ZNF431: variants seen among roughly 807,000 people sequenced by gnomAD.
The protein encoded by ZNF431 is zinc finger protein 431.
In ZNF431, 34 loss-of-function variants were observed where a neutral mutation model predicts 57.0. The ratio of observed to expected loss-of-function variants is 0.60; its 90% CI spans 0.45 to 0.79. The LOEUF is 0.79. ZNF431 is among the 30% of genes least tolerant of loss of function. The pLI is 0.00. For synonymous variants in ZNF431, 207 were observed against 220.3 expected (o/e 0.94, Z 0.54); for missense variants, 607 against 667.1 (o/e 0.91, Z 0.99).
At position 21,189,555 on chromosome 19, in the gene ZNF431, A is replaced by G. The variant is rs1021036386; in HGVS notation, c.*5521A>G. 3 of 204,816 alleles carry G rather than the reference A, an allele frequency of 1.5e-5. No individual in the cohort carries two copies. The Admixed American group carries it at 1.8e-4, about 12-fold the overall frequency. 12.7% of individuals were successfully genotyped at this position (204,816 alleles called of 1,614,324 possible). On this transcript the variant is annotated 3_prime_UTR_variant, in exon 5 of 5. Coordinates refer to ENST00000311048, the MANE Select transcript of ZNF431 (RefSeq NM_133473.4). ...ATGACACTGTCATCATTTTTCAAAA[A>G]TCCAAATACATTATTATGAACTATA...
chr19:21,183,198 C>T lies in ZNF431; in HGVS notation c.895C>T (p.Arg299Trp), dbSNP rs778391589. ...RCEECGKAFN[R>W]SSHLTTHKII... ...TGAAGAATGTGGCAAAGCCTTCAAC[C>T]GGTCCTCACACCTTACTACACATAA... is the stretch of plus-strand genomic sequence containing the variant. Residue 299 changes from arginine (R) to tryptophan (W), a missense_variant, in exon 5 of 5, where the codon CGG becomes TGG. Physicochemically the swap from Arg to Trp is moderately radical, Grantham distance 101. Coordinates refer to ENST00000311048, the MANE Select transcript of ZNF431 (RefSeq NM_133473.4). The T allele has an allele frequency of 1.2e-5, 20 of 1,612,514 alleles. No homozygotes were observed. In the Admixed American group the frequency reaches 1.3e-4, roughly 11 times the overall value.
Position 21,183,993 on chromosome 19 carries a change from A to T in ZNF431, c.1690A>T (p.Arg564Ter). The change falls in exon 5 of 5, where the codon AGA (arginine) becomes TGA (stop). Residue 564 changes from arginine to a stop codon, truncating the protein, a stop_gained. Transcript: ENST00000311048. LOFTEE classifies it high-confidence loss of function. ...NLIKQNNSYWRETLQMSRMWE... is the reference protein window; with the variant it reads ...NLIKQNNSYW ...TATTAAACAAAATAATTCATACTGG[A>T]GAGAAACTCTACAAATGTCAAGAAT... is the stretch of plus-strand genomic sequence containing the variant. The T allele has an allele frequency of 1.3e-6, 2 of 1,582,926 alleles. No homozygotes were observed. The highest frequency in any genetic ancestry group is 1.7e-6 in the Non-Finnish European group (2 of 1,168,474).
intron 2 of ZNF431, among the ~76,000 whole-genome samples, chr19:21,165,851 A>T (rs2144991774): frequency 6.6e-6 from 1 of 152,322 alleles, no homozygotes; most frequent in East Asian, 1.9e-4. Context: ...TGGGATAAAA[A>T]CATTGGCATT....
rs1971466033 is a variant in ZNF431, at chr19:21,189,729, TTAAG to T, written c.*5697_*5700del. The T allele has an allele frequency of 2.6e-6, 1 of 392,142 alleles. No individual in the cohort carries two copies. Among genetic ancestry groups the T allele is most frequent in the Non-Finnish European group, 4.5e-6 (1 of 222,554 alleles). The allele number at this position is 392,142 out of a possible 1,614,324, so 24.3% of individuals were successfully genotyped here. A position where few individuals can be genotyped will look rare whatever the true frequency, so the allele number is the denominator to read the frequency against. On this transcript the variant is annotated 3_prime_UTR_variant, in exon 5 of 5. Coordinates refer to ENST00000311048, the MANE Select transcript of ZNF431 (RefSeq NM_133473.4). ...CATTTTACTCTCTACATCAATGGGA[TTAAG>T]TTTTTTGGAATCCATGTGTAAGTGA...
chr19:21,150,654 T>C (rs1343491954), intron 2 of ZNF431, among the ~76,000 whole-genome samples: 1 of 152,198 alleles, frequency 6.6e-6, no homozygotes, highest in African/African-American at 2.4e-5. Context: ...GGAAGTCTTA[T>C]TTCTCAGTAG....
chr19:21,176,266 G>A (rs555644071), intron 4 of ZNF431, among the ~76,000 whole-genome samples: 2 of 135,916 alleles, frequency 1.5e-5, no homozygotes, highest in South Asian at 4.7e-4. Flanking sequence ...TTGAGACTGA[G>A]TTTTGCTCTT....
intron 2 of ZNF431, among the ~76,000 whole-genome samples, chr19:21,164,975 T>C (rs1970677703): frequency 6.6e-6 from 1 of 151,100 alleles, no homozygotes; most frequent in African/African-American, 2.4e-5. Flanking sequence ...ACAGGCATGG[T>C]AGCACATGCC....
chr19:21,188,054 T>C lies in ZNF431; in HGVS notation c.*4020T>C, dbSNP rs1296208267. 6.6e-6 allele frequency: 1 copy of C among 151,698 alleles called. No individual in the cohort carries two copies. The highest frequency in any genetic ancestry group is 1.5e-5 in the Non-Finnish European group (1 of 67,964). 9.4% of individuals were successfully genotyped at this position (151,698 alleles called of 1,614,324 possible). The stretch of plus-strand genomic sequence containing the variant: ...AGGGTGGATCACTTGAGGTCAGGAG[T>C]TTGAGACCAGCCTGACCAACATGGT... On this transcript the variant is annotated 3_prime_UTR_variant, in exon 5 of 5. Coordinates refer to ENST00000311048, the MANE Select transcript of ZNF431 (RefSeq NM_133473.4).
Position 21,167,654 on chromosome 19 carries a change from G to C in ZNF431, c.307G>C (p.Asp103His). 1 of 1,574,084 alleles carries C rather than the reference G, an allele frequency of 6.4e-7. No individual in the cohort carries two copies. Among genetic ancestry groups the C allele is most frequent in the Non-Finnish European group, 8.6e-7 (1 of 1,158,302 alleles). The stretch of plus-strand genomic sequence containing the variant: ...GAATATGAAGAGACATGAGATGGTG[G>C]ATGAACCCCCAGGTAGGTGAGAGTG... ...PWNMKRHEMVDEPPAMCSYFT... is the reference protein window; with the variant it reads ...PWNMKRHEMVHEPPAMCSYFT... Residue 103 changes from aspartate (D) to histidine (H), a missense_variant, in exon 4 of 5, where the codon GAT becomes CAT. Physicochemically the swap from Asp to His is moderately conservative, Grantham distance 81. Coordinates refer to ENST00000311048, the MANE Select transcript of ZNF431 (RefSeq NM_133473.4).
rs1056165712 is a variant in ZNF431 at position 21,184,865 on chromosome 19, C to G, written c.*831C>G. The G allele has an allele frequency of 1.3e-5, 2 of 152,126 alleles. No homozygotes were observed. Among genetic ancestry groups the G allele is most frequent in the Admixed American group, 1.3e-4 (2 of 15,254 alleles). The allele number at this position is 152,126 out of a possible 1,614,324, so 9.4% of individuals were successfully genotyped here. On this transcript the variant is annotated 3_prime_UTR_variant, in exon 5 of 5. Coordinates refer to ENST00000311048, the MANE Select transcript of ZNF431 (RefSeq NM_133473.4). ...GAAGAGTATTTATTTTGAAGTTGAA[C>G]ATCACAAATATAAAAAGGGTTGTAG... is the stretch of plus-strand genomic sequence containing the variant.
At chr19:21,181,405 TCA>T (rs1259085092) in intron 4 of ZNF431, among the ~76,000 whole-genome samples, 2 of 152,154 alleles carry the variant, frequency 1.3e-5, no homozygotes. Context: ...TTTGACTATA[TCA>T]CACAGTTTCC....
chr19:21,174,382 A>C (rs1347932328), intron 4 of ZNF431, among the ~76,000 whole-genome samples: 1 of 152,102 alleles, frequency 6.6e-6, no homozygotes, highest in African/African-American at 2.4e-5. Context: ...CACCTTTGTC[A>C]ACGTTTGCTT....
intron 4 of ZNF431, among the ~76,000 whole-genome samples, chr19:21,180,302 C>G (rs1252139763): frequency 6.6e-6 from 1 of 152,190 alleles, no homozygotes; most frequent in Non-Finnish European, 1.5e-5. Context: ...TGTGTTTTTG[C>G]AATGGCTGGT....
At chr19:21,173,082 A>C (rs1205720184) in intron 4 of ZNF431, among the ~76,000 whole-genome samples, 1 of 152,190 alleles carries the variant, frequency 6.6e-6, no homozygotes, top group Non-Finnish European at 1.5e-5. Context: ...AAAATGTGAC[A>C]AGATTTCTTT....
rs764531391 is a variant in ZNF431, at chr19:21,188,835, T to A, written c.*4801T>A. 17 of 152,174 alleles carry A rather than the reference T, an allele frequency of 1.1e-4. No homozygotes were observed. Among genetic ancestry groups the A allele is most frequent in the Non-Finnish European group, 2.4e-4 (16 of 68,036 alleles). 9.4% of individuals were successfully genotyped at this position (152,174 alleles called of 1,614,324 possible). On this transcript the variant is annotated 3_prime_UTR_variant, in exon 5 of 5. Coordinates refer to ENST00000311048, the MANE Select transcript of ZNF431 (RefSeq NM_133473.4). ...ATAAGCAACACCTGCTCTTTGAGTG[T>A]CTTTCATACCGTTACCATCAGCACC...
chr19:21,158,467 G>GGTAT (rs1438984777), intron 2 of ZNF431, among the ~76,000 whole-genome samples: 1 of 152,104 alleles, frequency 6.6e-6, no homozygotes, highest in East Asian at 1.9e-4. Context: ...CAAAGTGCTG[G>GGTAT]GATACAGGTG....
intron 4 of ZNF431, among the ~76,000 whole-genome samples, chr19:21,182,117 T>A (rs1971224146): frequency 6.6e-6 from 1 of 152,184 alleles, no homozygotes; most frequent in African/African-American, 2.4e-5. Flanking sequence ...TGCTGTAACA[T>A]TTACCTTTGG....
chr19:21,154,871 G>GT (rs1359527289), intron 2 of ZNF431, among the ~76,000 whole-genome samples: 8 of 148,178 alleles, frequency 5.4e-5, no homozygotes, highest in East Asian at 1.9e-4. Flanking sequence ...GGGGTTGTTT[G>GT]TTTTTTTCTT....
intron 2 of ZNF431, chr19:21,150,041 A>T (rs1970226067): frequency 1.7e-6 from 1 of 601,920 alleles, no homozygotes; most frequent in Non-Finnish European, 3.1e-6. Context: ...TGCTCGAAGG[A>T]CACGTGGTCT....
Sources: gnomAD v4.1 joint callset for allele counts (sites outside exome capture counted in the v4.1 genomes callset) on GRCh38, gnomAD v4.1.1 for gene constraint, MANE v1.5 for transcripts, NCBI Gene and HGNC (gene_info 2026-07-23, HGNC 2026-07-21) for gene names.